Variants in ANKS1B observed in about 807,000 individuals in gnomAD.
The protein encoded by ANKS1B is ankyrin repeat and sterile alpha motif domain-containing protein 1B.
In ANKS1B, 36 loss-of-function variants were observed where a neutral mutation model predicts 148.3. The observed-to-expected ratio is 0.24, with a 90% CI of 0.19 to 0.32. The LOEUF is 0.32. Among genes scored for constraint, ANKS1B ranks in the 10% least tolerant of loss-of-function variants. The pLI is 1.00. For missense variants in ANKS1B, 1,157 were observed against 1,542.6 expected (o/e 0.75, Z 4.19); for synonymous variants, 542 against 560.8 (o/e 0.97, Z 0.47).
intron 22 of ANKS1B, among the ~76,000 whole-genome samples, chr12:98,795,367 A>G (rs1188822028): frequency 6.6e-6 from 1 of 152,188 alleles, no homozygotes; most frequent in Non-Finnish European, 1.5e-5. Context: ...GACTGTTTTG[A>G]GCTGGTTTAA....
In ANKS1B at chr12:98,744,623, A is replaced by C. The variant is rs981575955; in HGVS notation, c.*1116T>G. 10 of 809,266 alleles carry C rather than the reference A, an allele frequency of 1.2e-5. No homozygotes were observed. In the African/African-American group the frequency reaches 1.9e-4, roughly 15 times the overall value. The allele number at this position is 809,266 out of a possible 1,614,324, so 50.1% of individuals were successfully genotyped here. Reference sequence around the variant, plus strand: ...AGTAAATTTTATTTAATCAAATAGTAAGCAAACTTTTTTTTTGTTTGTCTC... The same window carrying C: ...AGTAAATTTTATTTAATCAAATAGTCAGCAAACTTTTTTTTTGTTTGTCTC... On this transcript the variant is annotated 3_prime_UTR_variant, in exon 27 of 27. Transcript: ENST00000683438.
chr12:99,616,793 G>A (rs991867662), intron 9 of ANKS1B, among the ~76,000 whole-genome samples: 2 of 152,088 alleles, frequency 1.3e-5, no homozygotes, highest in Non-Finnish European at 2.9e-5. Flanking sequence ...TGACAAATAG[G>A]ATCTAATTAA....
chr12:99,537,098 A>G (rs2097077555), intron 9 of ANKS1B, among the ~76,000 whole-genome samples: 1 of 152,026 alleles, frequency 6.6e-6, no homozygotes, highest in South Asian at 2.1e-4. Context: ...AGATCTCATT[A>G]TTTTTATGGC....
In ANKS1B at chr12:99,756,961, G is replaced by A. The variant is rs185464854; in HGVS notation, c.1128+15961C>T. ...AAAAATTAACTCAAGATGGATTAAAGACTTAAATGTAATACCCAAAACTAT... is the reference window on the plus strand; with the variant it reads ...AAAAATTAACTCAAGATGGATTAAAAACTTAAATGTAATACCCAAAACTAT... On this transcript the variant is annotated intron_variant, in intron 8 of 26. Transcript: ENST00000683438. 2.8e-3 allele frequency among the ~76,000 whole-genome samples: 411 copies of A among 147,300 alleles called. 3 individuals are homozygous for A. The highest frequency in any genetic ancestry group is 9.7e-3 in the African/African-American group (387 of 39,736).
At chr12:98,822,947 A>G (rs894840949) in intron 19 of ANKS1B, among the ~76,000 whole-genome samples, 5 of 152,232 alleles carry the variant, frequency 3.3e-5, no homozygotes, top group African/African-American at 1.2e-4. Context: ...GTGTTGCCCA[A>G]AAGACACTTA....
At chr12:99,197,294 T>C (rs1332614320) in intron 14 of ANKS1B, among the ~76,000 whole-genome samples, 1 of 152,154 alleles carries the variant, frequency 6.6e-6, no homozygotes, top group African/African-American at 2.4e-5. Flanking sequence ...TCAATCTCCT[T>C]AGCCCAACAC....
At chr12:99,305,204 T>G (rs1266176017) in intron 12 of ANKS1B, among the ~76,000 whole-genome samples, 1 of 151,998 alleles carries the variant, frequency 6.6e-6, no homozygotes, top group African/African-American at 2.4e-5. Flanking sequence ...ATGAGGGATC[T>G]ACCCCCATGA....
intron 16 of ANKS1B, among the ~76,000 whole-genome samples, chr12:99,063,304 G>T (rs201479614): frequency 6.6e-6 from 1 of 152,000 alleles, no homozygotes; most frequent in African/African-American, 2.4e-5. Flanking sequence ...CTTCTGCTCT[G>T]TCCTGCTGCT....
intron 1 of ANKS1B, among the ~76,000 whole-genome samples, chr12:99,934,445 C>T (rs1005298678): frequency 1.3e-5 from 2 of 152,026 alleles, no homozygotes; most frequent in African/African-American, 2.4e-5. Flanking sequence ...TCAGTCTTGT[C>T]AGTTGTTATT....
At chr12:99,165,412 G>C (rs1566530962) in intron 14 of ANKS1B, among the ~76,000 whole-genome samples, 1 of 151,802 alleles carries the variant, frequency 6.6e-6, no homozygotes, top group Non-Finnish European at 1.5e-5. Context: ...GAATAAAGAA[G>C]TAATCAATAC....
chr12:99,021,401 G>A (rs2099945720), intron 17 of ANKS1B, among the ~76,000 whole-genome samples: 1 of 152,092 alleles, frequency 6.6e-6, no homozygotes, highest in African/African-American at 2.4e-5. Flanking sequence ...AATTTGAATG[G>A]TAGTTTTCAC....
chr12:99,166,287 A>T (rs1292307753), intron 14 of ANKS1B, among the ~76,000 whole-genome samples: 3 of 151,874 alleles, frequency 2.0e-5, no homozygotes, highest in African/African-American at 4.8e-5. Context: ...GTTACAAAAA[A>T]GAAATAAAAT....
intron 12 of ANKS1B, among the ~76,000 whole-genome samples, chr12:99,378,807 T>A (rs73151139): frequency 6.6e-6 from 1 of 151,988 alleles, no homozygotes; most frequent in East Asian, 1.9e-4. Context: ...AAGAAAAGAT[T>A]ACTCAAAGAA....
chr12:99,505,225 T>A (rs2096697416), intron 9 of ANKS1B, among the ~76,000 whole-genome samples: 1 of 152,086 alleles, frequency 6.6e-6, no homozygotes, highest in African/African-American at 2.4e-5. Flanking sequence ...AAGCCAAGAA[T>A]GGCAACAGAA....
chr12:99,004,473 C>T (rs2153382437), intron 17 of ANKS1B, among the ~76,000 whole-genome samples: 1 of 152,190 alleles, frequency 6.6e-6, no homozygotes, highest in Non-Finnish European at 1.5e-5. Context: ...TGATGATGGG[C>T]TCTTAATAAG....
intron 9 of ANKS1B, among the ~76,000 whole-genome samples, chr12:99,587,476 T>C (rs1402713354): frequency 6.6e-6 from 1 of 152,226 alleles, no homozygotes; most frequent in Non-Finnish European, 1.5e-5. Context: ...ATGTGTAATA[T>C]GTCATCTCTA....
intron 15 of ANKS1B, among the ~76,000 whole-genome samples, chr12:99,105,814 T>A (rs974535207): frequency 1.5e-4 from 22 of 151,702 alleles, no homozygotes; most frequent in African/African-American, 4.4e-4. Flanking sequence ...AAATTTTACT[T>A]CCTACTGCCT....
intron 1 of ANKS1B, among the ~76,000 whole-genome samples, chr12:99,915,384 G>C (rs1434991594): frequency 6.6e-6 from 1 of 152,146 alleles, no homozygotes; most frequent in Non-Finnish European, 1.5e-5. Context: ...GATGTTGAGG[G>C]TGCTGAGCTG....
At chr12:99,762,328 CTGGTACAAA>C (rs2153609143) in intron 8 of ANKS1B, among the ~76,000 whole-genome samples, 2 of 132,836 alleles carry the variant, frequency 1.5e-5, no homozygotes, top group East Asian at 5.2e-4. Context: ...CTTCATGGTA[CTGGTACAAA>C]AACAGAAACA....
Sources: gnomAD v4.1 joint callset for allele counts (sites outside exome capture counted in the v4.1 genomes callset) on GRCh38, gnomAD v4.1.1 for gene constraint, MANE v1.5 for transcripts, NCBI Gene and HGNC (gene_info 2026-07-23, HGNC 2026-07-21) for gene names.